Variants in CNTNAP2 observed in about 807,000 individuals in gnomAD.
CNTNAP2 encodes the protein contactin associated protein 2, also known as contactin-associated protein-like 2.
Under a neutral mutation model 155.2 loss-of-function variants are expected in CNTNAP2, and 98 were observed. The observed-to-expected ratio is 0.63, with a 90% CI of 0.54 to 0.75. The LOEUF is 0.75. Ranked by LOEUF, CNTNAP2 falls within the 30% of genes least tolerant of loss-of-function variation. The pLI is 0.00. For synonymous variants in CNTNAP2, 651 were observed against 631.2 expected, an observed-to-expected ratio of 1.03 and a Z score of -0.47; for missense variants, 1,727 against 1,688.1, an observed-to-expected ratio of 1.02 and a Z score of -0.40.
chr7:148,252,260 A>C (rs1458986296), intron 20 of CNTNAP2, among the ~76,000 whole-genome samples: 1 of 152,218 alleles, frequency 6.6e-6, no homozygotes. Flanking sequence ...TTTCTCAAGG[A>C]GAGAGATCCT....
chr7:147,097,034 A>G (rs1213284469), intron 4 of CNTNAP2, among the ~76,000 whole-genome samples: 3 of 152,244 alleles, frequency 2.0e-5, no homozygotes, highest in Non-Finnish European at 4.4e-5. Context: ...CCAAAATTAC[A>G]GAATTGTTGT....
rs571424454 is a variant in CNTNAP2, at chr7:148,407,133, G to C, written c.3716-2258G>C. Among the ~76,000 whole-genome samples the C allele has an allele frequency of 7.7e-4, 23 of 30,012 alleles. No individual in the cohort carries two copies. In the East Asian group the frequency reaches 0.011, roughly 14 times the overall value. The allele number at this position is 30,012 out of a possible 152,430, so 19.7% of individuals were successfully genotyped here. ...ATTCAGGTTTAAAAAAGAAAGCCAAGGTTTTTATTCAAGGTTTTTATTATA... is the reference window on the plus strand; with the variant it reads ...ATTCAGGTTTAAAAAAGAAAGCCAACGTTTTTATTCAAGGTTTTTATTATA... On this transcript the variant is annotated intron_variant, in intron 22 of 23. Coordinates refer to ENST00000361727, the MANE Select transcript of CNTNAP2 (RefSeq NM_014141.6).
intron 12 of CNTNAP2, among the ~76,000 whole-genome samples, chr7:147,609,528 CTCAA>C (rs1032359849): frequency 1.3e-5 from 2 of 151,502 alleles, no homozygotes; most frequent in Non-Finnish European, 2.9e-5. Flanking sequence ...GAGACTCTGT[CTCAA>C]TTAATTAATT....
chr7:148,209,649 T>C (rs951787928), intron 18 of CNTNAP2, among the ~76,000 whole-genome samples: 1 of 152,244 alleles, frequency 6.6e-6, no homozygotes, highest in African/African-American at 2.4e-5. Flanking sequence ...TTGCATAGCC[T>C]ATTCAATGGT....
intron 1 of CNTNAP2, among the ~76,000 whole-genome samples, chr7:146,163,487 CTA>C (rs1562973061): frequency 7.4e-6 from 1 of 134,732 alleles, no homozygotes; most frequent in Non-Finnish European, 1.6e-5. Flanking sequence ...ATATATCTAT[CTA>C]TATCTATATC....
chr7:147,535,872 A>G (rs1226614422), intron 11 of CNTNAP2, among the ~76,000 whole-genome samples: 2 of 151,972 alleles, frequency 1.3e-5, no homozygotes. Flanking sequence ...GACGTAAAAG[A>G]CAGGCGTTGC....
chr7:146,410,496 CA>C (rs1162037785), intron 1 of CNTNAP2, among the ~76,000 whole-genome samples: 2 of 152,028 alleles, frequency 1.3e-5, no homozygotes, highest in Non-Finnish European at 2.9e-5. Flanking sequence ...CTATAGATAT[CA>C]TTTTTTTGAC....
chr7:146,685,127 G>A (rs564299908), intron 1 of CNTNAP2, among the ~76,000 whole-genome samples: 128 of 152,096 alleles, frequency 8.4e-4, no homozygotes, highest in African/African-American at 2.6e-3. Context: ...TAAGGTATAG[G>A]GATTACACAT....
intron 15 of CNTNAP2, among the ~76,000 whole-genome samples, chr7:148,008,867 C>T (rs35682545): frequency 0.04 from 6,056 of 152,276 alleles, 250 homozygotes; most frequent in East Asian, 0.24. Flanking sequence ...TCTCCCTTCT[C>T]GTGTCCAGTT....
chr7:147,528,779 T>C lies in CNTNAP2; in HGVS notation c.1778-33359T>C, dbSNP rs140759618. On this transcript the variant is annotated intron_variant, in intron 11 of 23. Coordinates refer to ENST00000361727, the MANE Select transcript of CNTNAP2 (RefSeq NM_014141.6). ...GAGGAGAGCCCAGGAGTTGATTCTA[T>C]ATGTAAATCTGTTATAATACCAATC... 2.6e-5 allele frequency among the ~76,000 whole-genome samples: 4 copies of C among 152,304 alleles called. 1 individual carries two copies. The highest frequency in any genetic ancestry group is 6.8e-3 in the Middle Eastern group (2 of 294).
intron 1 of CNTNAP2, among the ~76,000 whole-genome samples, chr7:146,254,715 G>A (rs898281350): frequency 6.6e-6 from 1 of 152,068 alleles, no homozygotes; most frequent in Non-Finnish European, 1.5e-5. Context: ...AGAAAATAGG[G>A]TACATATTAG....
At position 146,770,317 on chromosome 7, in the gene CNTNAP2, TACACACACAC is replaced by T. The variant is rs60507060; in HGVS notation, c.98-3930_98-3921del. Among the ~76,000 whole-genome samples the T allele has an allele frequency of 7.7e-4, 111 of 143,770 alleles. 1 individual carries two copies. The highest frequency in any genetic ancestry group is 4.5e-3 in the South Asian group (20 of 4,484). 94.3% of individuals were successfully genotyped at this position (143,770 alleles called of 152,430 possible). On this transcript the variant is annotated intron_variant, in intron 1 of 23. Coordinates refer to ENST00000361727, the MANE Select transcript of CNTNAP2 (RefSeq NM_014141.6). ...AATTATATATATATATGTGTGTGTA[TACACACACAC>T]ACACACACACACACACACACACATA... is the stretch of plus-strand genomic sequence containing the variant.
rs188835358 is a variant in CNTNAP2, at chr7:146,971,940, G to A, written c.403-71967G>A. On this transcript the variant is annotated intron_variant, in intron 3 of 23. Transcript: ENST00000361727. ...GAAATTTATATCACGCATCTACTTC[G>A]ATGCTATAGCTAGACTAATACATGT... 5.1e-4 allele frequency among the ~76,000 whole-genome samples: 77 copies of A among 152,146 alleles called. 1 individual carries two copies. The highest frequency in any genetic ancestry group is 1.8e-3 in the African/African-American group (74 of 41,518).
intron 1 of CNTNAP2, among the ~76,000 whole-genome samples, chr7:146,305,022 A>C (rs546292009): frequency 1.4e-4 from 22 of 151,854 alleles, no homozygotes; most frequent in African/African-American, 5.1e-4. Flanking sequence ...CATTCATTTG[A>C]TCTTCAATCA....
At chr7:148,066,566 C>T (rs1047659705) in intron 15 of CNTNAP2, among the ~76,000 whole-genome samples, 1 of 151,864 alleles carries the variant, frequency 6.6e-6, no homozygotes, top group South Asian at 2.1e-4. Context: ...GGTGCTATCT[C>T]GGCTCACTGC....
chr7:148,193,459 A>G (rs553472717), intron 18 of CNTNAP2, among the ~76,000 whole-genome samples: 17 of 152,332 alleles, frequency 1.1e-4, no homozygotes, highest in Non-Finnish European at 2.4e-4. Context: ...TGAGGCCAAC[A>G]TTGTCATGAA....
At chr7:148,102,823 A>T (rs536183863) in intron 15 of CNTNAP2, among the ~76,000 whole-genome samples, 1 of 152,172 alleles carries the variant, frequency 6.6e-6, no homozygotes, top group South Asian at 2.1e-4. Context: ...TATCCAAGAC[A>T]GGTCTCAGTC....
At chr7:147,384,330 A>G (rs1796592578) in intron 9 of CNTNAP2, among the ~76,000 whole-genome samples, 2 of 152,194 alleles carry the variant, frequency 1.3e-5, no homozygotes, top group South Asian at 4.1e-4. Context: ...GGTTTAATTC[A>G]TATTGTTTTA....
intron 1 of CNTNAP2, among the ~76,000 whole-genome samples, chr7:146,516,502 G>T (rs927633813): frequency 2.0e-5 from 3 of 151,892 alleles, no homozygotes; most frequent in African/African-American, 7.3e-5. Context: ...TCTGGGAATG[G>T]GCATTTTGCG....
Sources: allele counts gnomAD v4.1 joint callset (sites outside exome capture counted in the v4.1 genomes callset), GRCh38; gene constraint gnomAD v4.1.1; transcripts MANE v1.5; gene names NCBI Gene and HGNC (gene_info 2026-07-23, HGNC 2026-07-21).